PHACTR1: variants seen among roughly 807,000 people sequenced by gnomAD.
The protein encoded by PHACTR1 is phosphatase and actin regulator 1, also known as RPEL repeat containing 1.
Under a neutral mutation model 69.2 loss-of-function variants are expected in PHACTR1, and 16 were observed. The observed-to-expected ratio is 0.23, with a 90% CI of 0.16 to 0.35. The LOEUF is 0.35. PHACTR1 is among the 10% of genes least tolerant of loss of function. The probability of loss-of-function intolerance (pLI) is 1.00; values close to 1 mark genes in which losing one functional copy is unlikely to be tolerated. For missense variants in PHACTR1, 510 were observed against 734.7 expected, an observed-to-expected ratio of 0.69 and a Z score of 3.54; for synonymous variants, 312 against 284.5, an observed-to-expected ratio of 1.10 and a Z score of -0.97.
At chr6:12,901,429 G>T (rs1409530472) in intron 4 of PHACTR1, among the ~76,000 whole-genome samples, 1 of 152,106 alleles carries the variant, frequency 6.6e-6, no homozygotes, top group African/African-American at 2.4e-5. Context: ...GGGAAGGAAA[G>T]GTTGGAGGAA....
intron 10 of PHACTR1, 159 bp from the exon 11 acceptor site, chr6:13,272,701 C>T: frequency 6.4e-7 from 1 of 1,567,782 alleles, no homozygotes; most frequent in East Asian, 2.3e-5. Context: ...AATTGAGGAA[C>T]TGAGGAGGCG....
chr6:13,127,185 C>G (rs984193560), intron 5 of PHACTR1, among the ~76,000 whole-genome samples: 3 of 152,174 alleles, frequency 2.0e-5, no homozygotes, highest in African/African-American at 4.8e-5. Flanking sequence ...CTCTGGGCCT[C>G]GATCTCCTTT....
intron 5 of PHACTR1, among the ~76,000 whole-genome samples, chr6:13,077,377 C>T (rs1355696788): frequency 3.9e-5 from 6 of 152,176 alleles, no homozygotes; most frequent in Non-Finnish European, 7.3e-5. Flanking sequence ...AGGGCCTGCA[C>T]ACCTAACCGT....
intron 4 of PHACTR1, among the ~76,000 whole-genome samples, chr6:12,833,256 T>C (rs1345698751): frequency 2.0e-5 from 3 of 151,206 alleles, no homozygotes; most frequent in Admixed American, 2.0e-4. Flanking sequence ...AACCTGTAGT[T>C]CTTTTTTTTT....
At chr6:12,722,313 C>T (rs180710821) in intron 3 of PHACTR1, among the ~76,000 whole-genome samples, 2 of 152,284 alleles carry the variant, frequency 1.3e-5, no homozygotes, top group East Asian at 3.9e-4. Context: ...AATCTGAGTT[C>T]CCCTCTCTCA....
At chr6:13,109,833 CGTGTGT>C (rs58370068) in intron 5 of PHACTR1, among the ~76,000 whole-genome samples, 10 of 146,186 alleles carry the variant, frequency 6.8e-5, no homozygotes, top group East Asian at 2.1e-4. Flanking sequence ...ATTTTTTCAG[CGTGTGT>C]GTGTGTGTGT....
At chr6:13,192,601 A>G (rs773679454) in intron 7 of PHACTR1, among the ~76,000 whole-genome samples, 53 of 152,230 alleles carry the variant, frequency 3.5e-4, no homozygotes, top group African/African-American at 1.1e-3. Context: ...ATGTCTCTCA[A>G]TTGTTCCTGT....
intron 5 of PHACTR1, among the ~76,000 whole-genome samples, chr6:13,066,454 C>G (rs539087988): frequency 6.6e-6 from 1 of 152,280 alleles, no homozygotes; most frequent in Non-Finnish European, 1.5e-5. Context: ...TGCCATCATT[C>G]ATGATTGTTT....
At chr6:13,284,847 T>TA (rs1213827480) in intron 13 of PHACTR1, among the ~76,000 whole-genome samples, 2 of 152,126 alleles carry the variant, frequency 1.3e-5, no homozygotes, top group Non-Finnish European at 2.9e-5. Context: ...AAGAGGCAGA[T>TA]AGACTTCCAG....
chr6:12,790,693 T>C (rs1025855442), intron 4 of PHACTR1, among the ~76,000 whole-genome samples: 1 of 152,162 alleles, frequency 6.6e-6, no homozygotes, highest in South Asian at 2.1e-4. Flanking sequence ...TAGAAGTACA[T>C]AGGATGGATC....
At chr6:12,999,786 G>T (rs182869155) in intron 4 of PHACTR1, among the ~76,000 whole-genome samples, 1 of 152,080 alleles carries the variant, frequency 6.6e-6, no homozygotes, top group Non-Finnish European at 1.5e-5. Context: ...GGTAGTAGTC[G>T]CCTCCAGGAA....
chr6:13,060,341 C>G (rs1807483596), intron 5 of PHACTR1, among the ~76,000 whole-genome samples: 1 of 152,024 alleles, frequency 6.6e-6, no homozygotes, highest in South Asian at 2.1e-4. Flanking sequence ...AGTTTAGCAG[C>G]TAAGTGGGTA....
chr6:12,942,340 A>G (rs1438645344), intron 4 of PHACTR1, among the ~76,000 whole-genome samples: 1 of 152,240 alleles, frequency 6.6e-6, no homozygotes, highest in Non-Finnish European at 1.5e-5. Flanking sequence ...GAAACACAAT[A>G]CAAGCTAATA....
intron 5 of PHACTR1, among the ~76,000 whole-genome samples, chr6:13,130,129 CA>C (rs932936423): frequency 2.0e-5 from 3 of 151,974 alleles, no homozygotes; most frequent in African/African-American, 7.2e-5. Flanking sequence ...CACAATTTAC[CA>C]AAACCTCTAG....
At chr6:12,944,943 T>C (rs955312821) in intron 4 of PHACTR1, among the ~76,000 whole-genome samples, 11 of 151,876 alleles carry the variant, frequency 7.2e-5, no homozygotes, top group Admixed American at 2.6e-4. Context: ...CCACCACGCC[T>C]GGCTAATTTT....
chr6:12,958,186 G>A lies in PHACTR1; in HGVS notation c.251-95179G>A, dbSNP rs565430450. 9.0e-5 allele frequency: 29 copies of A among 322,286 alleles called. 1 individual carries two copies. Among genetic ancestry groups the A allele is most frequent in the Non-Finnish European group, 1.2e-4 (27 of 223,740 alleles). The allele number at this position is 322,286 out of a possible 1,614,324, so 20.0% of individuals were successfully genotyped here. Reference sequence around the variant, plus strand: ...GATTTGGTTTTGAAATCCTCGGGCCGGGTTCATAGGATAGGCTGGAGCCCA... The same window carrying A: ...GATTTGGTTTTGAAATCCTCGGGCCAGGTTCATAGGATAGGCTGGAGCCCA... On this transcript the variant is annotated intron_variant, in intron 4 of 14. Coordinates refer to ENST00000332995, the MANE Select transcript of PHACTR1 (RefSeq NM_030948.6).
At chr6:13,230,308 T>C in intron 10 of PHACTR1, 115 bp downstream of exon 10, 1 of 1,524,058 alleles carries the variant, frequency 6.6e-7, no homozygotes, top group Non-Finnish European at 8.8e-7. Context: ...TCCCAGCACT[T>C]TGGGAGGCCG....
chr6:13,161,668 G>A (rs574574796), intron 6 of PHACTR1, among the ~76,000 whole-genome samples: 94 of 152,236 alleles, frequency 6.2e-4, no homozygotes, highest in Admixed American at 2.0e-3. Context: ...GTACTTCTGG[G>A]TTCTGGCGCA....
intron 4 of PHACTR1, among the ~76,000 whole-genome samples, chr6:12,857,750 TTTCAGCAC>T (rs1357020035): frequency 6.6e-6 from 1 of 152,176 alleles, no homozygotes; most frequent in Non-Finnish European, 1.5e-5. Context: ...GGACTGTACT[TTTCAGCAC>T]TTCATCAGGA....
Sources: gnomAD v4.1 joint callset for allele counts (sites outside exome capture counted in the v4.1 genomes callset) on GRCh38, gnomAD v4.1.1 for gene constraint, MANE v1.5 for transcripts, NCBI Gene and HGNC (gene_info 2026-07-23, HGNC 2026-07-21) for gene names.